LRMDA: variants seen among roughly 807,000 people sequenced by gnomAD.
The protein encoded by LRMDA is leucine-rich melanocyte differentiation-associated protein.
In LRMDA, 18 loss-of-function variants were observed where a neutral mutation model predicts 29.8. The observed-to-expected ratio is 0.60, with a 90% CI of 0.42 to 0.90. The LOEUF (loss-of-function observed/expected upper bound fraction) is 0.90, where lower values mean the gene tolerates loss of function less well. LRMDA is among the 40% of genes least tolerant of loss of function. The pLI is 0.00. For missense variants in LRMDA, 273 were observed against 273.9 expected, an observed-to-expected ratio of 1.00 and a Z score of 0.02; for synonymous variants, 125 against 109.4, an observed-to-expected ratio of 1.14 and a Z score of -0.89.
intron 5 of LRMDA, among the ~76,000 whole-genome samples, chr10:76,147,407 C>T (rs1850347258): frequency 6.6e-6 from 1 of 152,210 alleles, no homozygotes; most frequent in East Asian, 1.9e-4. Flanking sequence ...TTTCTCTAAA[C>T]TTCTCTTCTC....
chr10:75,973,136 A>C (rs533681440), intron 2 of LRMDA, among the ~76,000 whole-genome samples: 1 of 151,858 alleles, frequency 6.6e-6, no homozygotes, highest in Non-Finnish European at 1.5e-5. Context: ...TCCACTCTCC[A>C]CTCATTTTCC....
intron 5 of LRMDA, among the ~76,000 whole-genome samples, chr10:76,315,618 C>T (rs1283646567): frequency 1.4e-5 from 2 of 146,762 alleles, no homozygotes; most frequent in African/African-American, 5.0e-5. Flanking sequence ...GAAGCAGCAG[C>T]CCAGGGGGTG....
chr10:76,531,281 T>C (rs11597130), intron 6 of LRMDA, among the ~76,000 whole-genome samples: 63,456 of 152,028 alleles, frequency 0.42, 14,392 homozygotes, highest in African/African-American at 0.56. Context: ...ACAGTCCCTA[T>C]GGTACAAGAG....
chr10:75,991,296 T>A (rs1487554047), intron 2 of LRMDA, among the ~76,000 whole-genome samples: 2 of 152,152 alleles, frequency 1.3e-5, no homozygotes, highest in Non-Finnish European at 2.9e-5. Context: ...TTTTAAAAAA[T>A]ACGGTCTCAG....
At chr10:76,363,227 GAA>G in intron 6 of LRMDA, among the ~76,000 whole-genome samples, 1 of 40,468 alleles carries the variant, frequency 2.5e-5, no homozygotes, top group Non-Finnish European at 5.7e-5. Context: ...GAGAAAGAAA[GAA>G]AGAAAGAAAG....
chr10:76,165,224 C>T (rs574860165), intron 5 of LRMDA, among the ~76,000 whole-genome samples: 22 of 152,314 alleles, frequency 1.4e-4, no homozygotes, highest in African/African-American at 3.4e-4. Flanking sequence ...CCATCCGCCT[C>T]GGCCTCCCAA....
intron 5 of LRMDA, among the ~76,000 whole-genome samples, chr10:76,278,594 T>C (rs1267527862): frequency 1.3e-5 from 2 of 152,178 alleles, no homozygotes; most frequent in African/African-American, 4.8e-5. Flanking sequence ...TCACCCACAC[T>C]ATTACCTGCC....
intron 5 of LRMDA, among the ~76,000 whole-genome samples, chr10:76,097,888 T>A (rs992127921): frequency 6.6e-6 from 1 of 152,190 alleles, no homozygotes; most frequent in Non-Finnish European, 1.5e-5. Flanking sequence ...TACTTTGTGA[T>A]ATTTCAATAA....
chr10:75,928,042 A>ACATCAT (rs3042520), intron 2 of LRMDA, among the ~76,000 whole-genome samples: 2,835 of 150,814 alleles, frequency 0.019, 65 homozygotes, highest in East Asian at 0.058. Flanking sequence ...TTTTAGTTTA[A>ACATCAT]CATCATCATC....
Position 75,528,193 on chromosome 10 carries a change from C to T in LRMDA, c.131+89699C>T, listed in dbSNP as rs143223814. 7.9e-5 allele frequency among the ~76,000 whole-genome samples: 12 copies of T among 152,268 alleles called. No homozygotes were observed. The East Asian group carries it at 2.3e-3, about 29-fold the overall frequency. On this transcript the variant is annotated intron_variant, in intron 2 of 6. Coordinates refer to ENST00000611255, the MANE Select transcript of LRMDA (RefSeq NM_001305581.2). Reference sequence around the variant, plus strand: ...ATCTGATTTATACTGGATAGTTCCCCAATGCCTGCGAGTTGGTAGCACAAG... The same window carrying T: ...ATCTGATTTATACTGGATAGTTCCCTAATGCCTGCGAGTTGGTAGCACAAG...
intron 6 of LRMDA, among the ~76,000 whole-genome samples, chr10:76,430,744 A>G (rs1459423561): frequency 6.6e-6 from 1 of 152,188 alleles, no homozygotes; most frequent in African/African-American, 2.4e-5. Context: ...TTCAGAGGAA[A>G]TGTTAACCCA....
In LRMDA at chr10:76,159,653, T is replaced by C. The variant is rs185317001; in HGVS notation, c.516+100870T>C. 4.6e-5 allele frequency among the ~76,000 whole-genome samples: 7 copies of C among 152,234 alleles called. No individual in the cohort carries two copies. The East Asian group carries it at 1.4e-3, about 29-fold the overall frequency. ...ACCAAGAGGTCCTTCAGTAGGTGGA[T>C]GGGAAATAAACTGGGGTACATGCAG... On this transcript the variant is annotated intron_variant, in intron 5 of 6. Coordinates refer to ENST00000611255, the MANE Select transcript of LRMDA (RefSeq NM_001305581.2).
rs573501803 is a variant in LRMDA, at chr10:76,415,208, C to T, written c.601+90723C>T. On this transcript the variant is annotated intron_variant, in intron 6 of 6. Transcript: ENST00000611255. ...GTTCTCTAAAGCTGACAGATTTCTG[C>T]TCCTTTTTGGACTTCCTAAGGTTCC... Among the ~76,000 whole-genome samples, 8 of 152,314 alleles carry T rather than the reference C, an allele frequency of 5.3e-5. No individual in the cohort carries two copies. The South Asian group carries it at 8.3e-4, about 16-fold the overall frequency.
chr10:76,322,921 A>G (rs1221316756), intron 5 of LRMDA, among the ~76,000 whole-genome samples: 1 of 152,196 alleles, frequency 6.6e-6, no homozygotes, highest in East Asian at 1.9e-4. Context: ...GGTAGAAATT[A>G]CAGGAGACCT....
chr10:76,168,113 T>C lies in LRMDA; in HGVS notation c.516+109330T>C, dbSNP rs944660136. On this transcript the variant is annotated intron_variant, in intron 5 of 6. Transcript: ENST00000611255. ...GTCCTCAGGAATAATCCACCTGCTTTATAAATTATACATTAAGCCCTGAGC... is the reference window on the plus strand; with the variant it reads ...GTCCTCAGGAATAATCCACCTGCTTCATAAATTATACATTAAGCCCTGAGC... 4.6e-5 allele frequency among the ~76,000 whole-genome samples: 7 copies of C among 152,222 alleles called. No individual in the cohort carries two copies. In the South Asian group the frequency reaches 1.4e-3, roughly 32 times the overall value.
chr10:76,539,884 A>T (rs1450385544), intron 6 of LRMDA, among the ~76,000 whole-genome samples: 3 of 152,158 alleles, frequency 2.0e-5, no homozygotes, highest in African/African-American at 7.2e-5. Context: ...ATTAAAAATT[A>T]TGTCAGATAC....
At chr10:75,613,116 AT>A (rs5786181) in intron 2 of LRMDA, among the ~76,000 whole-genome samples, 14,496 of 148,594 alleles carry the variant, frequency 0.098, 2,198 homozygotes, top group African/African-American at 0.33. Flanking sequence ...AACCTTGCCA[AT>A]TTTTTTTTTT....
intron 6 of LRMDA, among the ~76,000 whole-genome samples, chr10:76,521,407 T>G (rs2132362013): frequency 6.6e-6 from 1 of 152,342 alleles, no homozygotes; most frequent in Non-Finnish European, 1.5e-5. Context: ...GTGCTGGGAT[T>G]ACAGGCGTGA....
chr10:76,280,439 A>G (rs925675928), intron 5 of LRMDA, among the ~76,000 whole-genome samples: 1 of 152,182 alleles, frequency 6.6e-6, no homozygotes, highest in Admixed American at 6.5e-5. Flanking sequence ...ATTCTAAAAC[A>G]CAAACGTTTT....
Sources: allele counts gnomAD v4.1 joint callset (sites outside exome capture counted in the v4.1 genomes callset), GRCh38; gene constraint gnomAD v4.1.1; transcripts MANE v1.5; gene names NCBI Gene and HGNC (gene_info 2026-07-23, HGNC 2026-07-21).